Variants in SLC44A5 observed in about 807,000 individuals in gnomAD.
The protein encoded by SLC44A5 is solute carrier family 44 member 5.
A neutral mutation model predicts 101.8 loss-of-function variants in SLC44A5; 57 were observed. The observed-to-expected ratio is 0.56, with a 90% confidence interval of 0.45 to 0.70. The LOEUF is 0.70. Ranked by LOEUF, SLC44A5 falls within the 30% of genes least tolerant of loss-of-function variation. The probability of loss-of-function intolerance (pLI) is 0.00; values close to 1 mark genes in which losing one functional copy is unlikely to be tolerated. For synonymous variants in SLC44A5, 281 were observed against 290.9 expected (o/e 0.97, Z 0.35); for missense variants, 737 against 853.1 (o/e 0.86, Z 1.70).
chr1:75,476,156 C>G (rs886577285), intron 2 of SLC44A5, among the ~76,000 whole-genome samples: 1 of 151,732 alleles, frequency 6.6e-6, no homozygotes, highest in Non-Finnish European at 1.5e-5. Context: ...GCACTCCAGC[C>G]TGGGAGACAG....
intron 1 of SLC44A5, among the ~76,000 whole-genome samples, chr1:75,581,701 G>A (rs887870386): frequency 2.0e-5 from 3 of 152,174 alleles, no homozygotes; most frequent in African/African-American, 7.2e-5. Flanking sequence ...CTGGGTCATG[G>A]CTGTAGATCC....
chr1:75,600,475 T>C (rs548167922), intron 1 of SLC44A5, among the ~76,000 whole-genome samples: 1 of 152,314 alleles, frequency 6.6e-6, no homozygotes, highest in East Asian at 1.9e-4. Context: ...TTGAGCAGGT[T>C]GTTTAACCTC....
the SLC44A5 span, among the ~76,000 whole-genome samples, chr1:75,664,024 A>G: frequency 6.6e-6 from 1 of 152,318 alleles, no homozygotes; most frequent in Admixed American, 6.5e-5. Flanking sequence ...AATACACATG[A>G]TTCACCACTT....
At chr1:75,716,630 C>A in the SLC44A5 span, among the ~76,000 whole-genome samples, 1 of 152,188 alleles carries the variant, frequency 6.6e-6, no homozygotes, top group Non-Finnish European at 1.5e-5. Flanking sequence ...AAGGAATATA[C>A]ATCATTCTAC....
At chr1:75,504,764 A>T (rs942017613) in intron 2 of SLC44A5, among the ~76,000 whole-genome samples, 2 of 152,188 alleles carry the variant, frequency 1.3e-5, no homozygotes, top group African/African-American at 4.8e-5. Context: ...TTGCCTCAGT[A>T]TACAAAAGTT....
At position 75,274,961 on chromosome 1, in the gene SLC44A5, T is replaced by C. The variant is rs142669367; in HGVS notation, c.257A>G (p.Asn86Ser). The change falls in exon 6 of 24, where the codon AAT becomes AGT. Residue 86 changes from asparagine (N) to serine (S), a missense_variant. This residue lies in a region of SLC44A5 where 665 missense variants were observed against 764.4 expected (regional missense o/e 0.87). Transcript: ENST00000370859. ...AAGCAAAGGTGGCCATACTCACTCA[T>C]TGGGAGTGCCCTTCTGGCCACAAAA... ...GHFCGQKGTPNENKTILFYFN... is the reference protein window; with the variant it reads ...GHFCGQKGTPSENKTILFYFN... 2.8e-5 allele frequency: 45 copies of C among 1,611,798 alleles called. No homozygotes were observed. Among genetic ancestry groups the C allele is most frequent in the Non-Finnish European group, 3.7e-5 (44 of 1,178,790 alleles).
intron 1 of SLC44A5, among the ~76,000 whole-genome samples, chr1:75,591,447 T>A (rs1486182285): frequency 6.6e-6 from 1 of 152,218 alleles, no homozygotes; most frequent in Non-Finnish European, 1.5e-5. Flanking sequence ...TGCTGTTGGA[T>A]TTGATTACCT....
intron 2 of SLC44A5, 164 bp from the exon 3 acceptor site, chr1:75,396,785 G>A (rs1195865422): frequency 6.8e-6 from 4 of 591,876 alleles, no homozygotes; most frequent in African/African-American, 1.9e-5. Flanking sequence ...ACACAAAGCT[G>A]CCAATAATGA....
chr1:75,630,443 C>A, the SLC44A5 span, among the ~76,000 whole-genome samples: 1 of 152,184 alleles, frequency 6.6e-6, no homozygotes, highest in Non-Finnish European at 1.5e-5. Flanking sequence ...CTGGGCAGTT[C>A]CAGCTACAGC....
intron 3 of SLC44A5, among the ~76,000 whole-genome samples, chr1:75,375,482 G>C (rs1011798858): frequency 6.6e-6 from 1 of 152,294 alleles, no homozygotes; most frequent in East Asian, 1.9e-4. Flanking sequence ...AAGAAATTCA[G>C]AGAATCTTTG....
intron 4 of SLC44A5, among the ~76,000 whole-genome samples, chr1:75,306,782 G>T (rs1326919496): frequency 3.1e-5 from 4 of 130,084 alleles, no homozygotes; most frequent in East Asian, 5.3e-4. Context: ...TGGCCCAGGC[G>T]GGAGTGCAGT....
At chr1:75,640,087 C>T in the SLC44A5 span, among the ~76,000 whole-genome samples, 1 of 152,092 alleles carries the variant, frequency 6.6e-6, no homozygotes, top group Non-Finnish European at 1.5e-5. Flanking sequence ...TACTGTGTGG[C>T]AAACCACCCC....
At chr1:75,334,018 C>T (rs1657257635) in intron 4 of SLC44A5, among the ~76,000 whole-genome samples, 1 of 152,158 alleles carries the variant, frequency 6.6e-6, no homozygotes, top group South Asian at 2.1e-4. Flanking sequence ...GGCTGGCTCC[C>T]TCTTGTCATC....
At chr1:75,511,719 A>G (rs754525040) in intron 2 of SLC44A5, among the ~76,000 whole-genome samples, 6 of 152,194 alleles carry the variant, frequency 3.9e-5, no homozygotes, top group Non-Finnish European at 8.8e-5. Context: ...GGGGATGTGC[A>G]TTACATCTTT....
intron 2 of SLC44A5, among the ~76,000 whole-genome samples, chr1:75,413,146 T>A (rs1400597059): frequency 6.6e-6 from 1 of 152,180 alleles, no homozygotes; most frequent in African/African-American, 2.4e-5. Flanking sequence ...TAGCTATTTT[T>A]AATCTCTTAC....
chr1:75,478,319 C>T (rs1178431165), intron 2 of SLC44A5, among the ~76,000 whole-genome samples: 7 of 152,132 alleles, frequency 4.6e-5, no homozygotes, highest in South Asian at 2.1e-4. Context: ...TAAAGACCAT[C>T]GAGGCTAGGA....
chr1:75,502,556 AT>A (rs1056862718), intron 2 of SLC44A5, among the ~76,000 whole-genome samples: 1 of 115,278 alleles, frequency 8.7e-6, no homozygotes, highest in Non-Finnish European at 2.0e-5. Flanking sequence ...TTATTTGTTT[AT>A]TTTTTTATTA....
chr1:75,463,126 TA>T (rs1210687854), intron 2 of SLC44A5, among the ~76,000 whole-genome samples: 1 of 151,940 alleles, frequency 6.6e-6, no homozygotes, highest in Non-Finnish European at 1.5e-5. Context: ...CAAGGATTAA[TA>T]AAAAAAGATC....
chr1:75,349,848 A>T (rs7523051), intron 3 of SLC44A5, among the ~76,000 whole-genome samples: 42,766 of 152,134 alleles, frequency 0.28, 7,515 homozygotes, highest in East Asian at 0.82. Context: ...TTAAACTTTT[A>T]TAAGTATGCA....
Sources: gnomAD v4.1 joint callset for allele counts (sites outside exome capture counted in the v4.1 genomes callset) on GRCh38, gnomAD v4.1.1 for gene constraint, gnomAD v4.1.1 regional missense constraint, MANE v1.5 for transcripts, NCBI Gene and HGNC (gene_info 2026-07-23, HGNC 2026-07-21) for gene names.